The following AGPAT3 variants were observed in gnomAD, a reference collection of about 807,000 sequenced individuals.
AGPAT3 encodes the protein 1-acylglycerol-3-phosphate O-acyltransferase 3.
A neutral mutation model predicts 47.3 loss-of-function variants in AGPAT3; 5 were observed. The observed-to-expected ratio is 0.11, with a 90% CI of 0.06 to 0.22. The LOEUF is 0.22. Among genes scored for constraint, AGPAT3 ranks in the 10% least tolerant of loss-of-function variants. The pLI is 1.00. For missense variants in AGPAT3, 315 were observed against 493.0 expected (o/e 0.64, Z 3.42); for synonymous variants, 212 against 208.3 (o/e 1.02, Z -0.15).
rs1025374494 is a variant in AGPAT3 at position 43,939,154 on chromosome 21, C to T, written c.-48-20480C>T. On this transcript the variant is annotated intron_variant, in intron 2 of 9. Transcript: ENST00000291572. The surrounding 1 kb of genome is among the most constrained non-coding windows in gnomAD (Gnocchi z 4.4). The stretch of plus-strand genomic sequence containing the variant: ...TGTGTCTGATGCCGTGGGAGATGCA[C>T]GAGCAGTGACTTTCACTTTATCCCA... Among the ~76,000 whole-genome samples, 4 of 152,158 alleles carry T rather than the reference C, an allele frequency of 2.6e-5. No homozygotes were observed. Among genetic ancestry groups the T allele is most frequent in the African/African-American group, 7.2e-5 (3 of 41,430 alleles).
chr21:43,973,042 G>A (rs3788095), intron 7 of AGPAT3, among the ~76,000 whole-genome samples: 38,130 of 152,184 alleles, frequency 0.25, 4,869 homozygotes, highest in Admixed American at 0.31. Context: ...CAAATTAAAC[G>A]AAGCAAAACG....
intron 2 of AGPAT3, among the ~76,000 whole-genome samples, chr21:43,924,047 C>CGCTCTGTT (rs1569066951): frequency 2.0e-5 from 3 of 152,050 alleles, no homozygotes; most frequent in African/African-American, 7.2e-5. Context: ...GACGGAGTCT[C>CGCTCTGTT]GCTCTGTTGC....
At chr21:43,916,717 T>C (rs1942830953) in intron 2 of AGPAT3, among the ~76,000 whole-genome samples, 1 of 152,172 alleles carries the variant, frequency 6.6e-6, no homozygotes, top group African/African-American at 2.4e-5. Context: ...TCGGTAGATA[T>C]GATTGGTGTG....
intron 2 of AGPAT3, among the ~76,000 whole-genome samples, chr21:43,936,042 G>A (rs1011657278): frequency 4.6e-5 from 7 of 152,230 alleles, no homozygotes; most frequent in African/African-American, 1.2e-4. Context: ...CACACGGAAG[G>A]CTCACATGCC....
Position 43,984,450 on chromosome 21 carries a change from TTTAA to T in AGPAT3, c.*2062_*2065del, listed in dbSNP as rs1279279157. 6.6e-6 allele frequency: 1 copy of T among 152,662 alleles called. No homozygotes were observed. Among genetic ancestry groups the T allele is most frequent in the African/African-American group, 2.4e-5 (1 of 41,448 alleles). 9.5% of individuals were successfully genotyped at this position (152,662 alleles called of 1,614,324 possible). Reference sequence around the variant, plus strand: ...AAATGCAAATTTAGATCTTTTATGATTTAATTATTATTGTTTCCCATAGAAGTTC... The same window carrying T: ...AAATGCAAATTTAGATCTTTTATGATTTATTATTGTTTCCCATAGAAGTTC... On this transcript the variant is annotated 3_prime_UTR_variant, in exon 10 of 10. Coordinates refer to ENST00000291572, the MANE Select transcript of AGPAT3 (RefSeq NM_020132.5).
At chr21:43,969,307 T>A (rs375530312) in intron 5 of AGPAT3, 28 bp downstream of exon 5, 42 of 1,610,990 alleles carry the variant, frequency 2.6e-5, no homozygotes, top group Non-Finnish European at 3.4e-5. Flanking sequence ...CCCGATACCC[T>A]GCATGCCTGG....
At chr21:43,916,793 G>A (rs935409795) in intron 2 of AGPAT3, among the ~76,000 whole-genome samples, 6 of 152,070 alleles carry the variant, frequency 3.9e-5, no homozygotes, top group East Asian at 1.9e-4. Flanking sequence ...ATGCACGTTC[G>A]CACACACAGC....
chr21:43,973,616 C>T (rs1203694035), intron 7 of AGPAT3, among the ~76,000 whole-genome samples: 1 of 152,236 alleles, frequency 6.6e-6, no homozygotes, highest in African/African-American at 2.4e-5. Flanking sequence ...TTTATTTTGC[C>T]CGATCATATT....
At position 43,922,403 on chromosome 21, in the gene AGPAT3, G is replaced by A. The variant is rs1288984988; in HGVS notation, c.-49+18384G>A. Among the ~76,000 whole-genome samples the A allele has an allele frequency of 6.6e-6, 1 of 152,178 alleles. No homozygotes were observed. Among genetic ancestry groups the A allele is most frequent in the Non-Finnish European group, 1.5e-5 (1 of 68,034 alleles). On this transcript the variant is annotated intron_variant, in intron 2 of 9. Coordinates refer to ENST00000291572, the MANE Select transcript of AGPAT3 (RefSeq NM_020132.5). The surrounding 1 kb of genome is among the most constrained non-coding windows in gnomAD (Gnocchi z 4.9). ...CAGGCAGGGACCTGCTTCAGTCCTC[G>A]AAGGAGGCTGCTGGCTTGTGACCCT...
At chr21:43,926,217 T>G (rs1460239076) in intron 2 of AGPAT3, among the ~76,000 whole-genome samples, 1 of 152,192 alleles carries the variant, frequency 6.6e-6, no homozygotes, top group African/African-American at 2.4e-5. Flanking sequence ...AGACGCCTGC[T>G]TGGGACATGG....
At position 43,934,823 on chromosome 21, in the gene AGPAT3, AC is replaced by A. The variant is rs1263243190; in HGVS notation, c.-48-24807del. 7.1e-6 allele frequency among the ~76,000 whole-genome samples: 1 copy of A among 141,108 alleles called. No individual in the cohort carries two copies. Among genetic ancestry groups the A allele is most frequent in the Admixed American group, 7.0e-5 (1 of 14,314 alleles). 92.6% of individuals were successfully genotyped at this position (141,108 alleles called of 152,430 possible). ...CACCCATGCCACCCACACCACCTCTACCCCTCACGTCACCGACGCCACTCAC... is the reference window on the plus strand; with the variant it reads ...CACCCATGCCACCCACACCACCTCTACCCTCACGTCACCGACGCCACTCAC... On this transcript the variant is annotated intron_variant, in intron 2 of 9. Coordinates refer to ENST00000291572, the MANE Select transcript of AGPAT3 (RefSeq NM_020132.5). The surrounding 1 kb of genome is among the most constrained non-coding windows in gnomAD (Gnocchi z 4.7).
intron 2 of AGPAT3, chr21:43,948,313 A>G (rs2088005786): frequency 6.6e-6 from 1 of 152,140 alleles, no homozygotes; most frequent in Admixed American, 6.5e-5. Context: ...TCACCGAGGG[A>G]GGGAAGAACG....
At chr21:43,951,909 A>G (rs966844454) in intron 2 of AGPAT3, among the ~76,000 whole-genome samples, 1 of 152,008 alleles carries the variant, frequency 6.6e-6, no homozygotes, top group East Asian at 1.9e-4. Flanking sequence ...AAGGTTGGGG[A>G]TTTTGGCAAA....
rs949610423 is a variant in AGPAT3 at position 43,932,169 on chromosome 21, G to T, written c.-48-27465G>T. Among the ~76,000 whole-genome samples, 8 of 152,152 alleles carry T rather than the reference G, an allele frequency of 5.3e-5. No homozygotes were observed. Among genetic ancestry groups the T allele is most frequent in the African/African-American group, 1.9e-4 (8 of 41,444 alleles). On this transcript the variant is annotated intron_variant, in intron 2 of 9. Coordinates refer to ENST00000291572, the MANE Select transcript of AGPAT3 (RefSeq NM_020132.5). The surrounding 1 kb of genome is among the most constrained non-coding windows in gnomAD (Gnocchi z 5.2). Reference sequence around the variant, plus strand: ...TGATTTTGAAACATGATACGTTATTGTTAACTGGTCGCCACGCAGCGCGGC... The same window carrying T: ...TGATTTTGAAACATGATACGTTATTTTTAACTGGTCGCCACGCAGCGCGGC...
intron 1 of AGPAT3, among the ~76,000 whole-genome samples, chr21:43,878,742 T>C (rs1253212505): frequency 6.6e-6 from 1 of 151,938 alleles, no homozygotes; most frequent in Non-Finnish European, 1.5e-5. Context: ...TTGTCTTTTT[T>C]TTTTTTTTTG....
intron 2 of AGPAT3, among the ~76,000 whole-genome samples, chr21:43,929,091 G>A (rs993877804): frequency 2.6e-4 from 40 of 152,220 alleles, no homozygotes; most frequent in Non-Finnish European, 4.7e-4. Context: ...TGCCTGAGTG[G>A]CGGGGCCCCG....
intron 2 of AGPAT3, among the ~76,000 whole-genome samples, chr21:43,935,896 C>T (rs1213870892): frequency 2.0e-5 from 3 of 152,190 alleles, no homozygotes; most frequent in Non-Finnish European, 4.4e-5. Flanking sequence ...AGTGCCCTGG[C>T]TCTCCAGGTG....
chr21:43,978,304 G>GT (rs2089699549), intron 8 of AGPAT3, among the ~76,000 whole-genome samples, 183 bp downstream of exon 8: 1 of 148,472 alleles, frequency 6.7e-6, no homozygotes, highest in African/African-American at 2.6e-5. Flanking sequence ...TTTTGTTTTT[G>GT]TTTTGTTTTG....
In AGPAT3 at chr21:43,955,078, G is replaced by A; in HGVS notation, c.-48-4556G>A. On this transcript the variant is annotated intron_variant, in intron 2 of 9. Transcript: ENST00000291572. The surrounding 1 kb of genome is among the most constrained non-coding windows in gnomAD (Gnocchi z 4.1). ...GGCCCCCAAAGGCTGGGTGCCAGCT[G>A]CCTGTCGGCAGGGAGCGTATCACCG... 8.0e-7 allele frequency: 1 copy of A among 1,247,062 alleles called. No individual in the cohort carries two copies. Among genetic ancestry groups the A allele is most frequent in the Non-Finnish European group, 1.0e-6 (1 of 961,530 alleles). 77.2% of individuals were successfully genotyped at this position (1,247,062 alleles called of 1,614,324 possible).
Sources: allele counts gnomAD v4.1 joint callset (sites outside exome capture counted in the v4.1 genomes callset), GRCh38; gene constraint gnomAD v4.1.1; non-coding constraint Gnocchi (gnomAD v3.1); transcripts MANE v1.5; gene names NCBI Gene and HGNC (gene_info 2026-07-23, HGNC 2026-07-21).